AP3S1: variants seen among roughly 807,000 people sequenced by gnomAD.
AP3S1 encodes the protein AP-3 complex subunit sigma-1.
Under a neutral mutation model 21.3 loss-of-function variants are expected in AP3S1, and 12 were observed. The ratio of observed to expected loss-of-function variants is 0.56; its 90% confidence interval spans 0.36 to 0.91. AP3S1 has a LOEUF of 0.91. Ranked by LOEUF, AP3S1 falls within the 40% of genes least tolerant of loss-of-function variation. The pLI, the probability that AP3S1 is intolerant of heterozygous loss-of-function variation, is 0.01. For missense variants in AP3S1, 116 were observed against 225.0 expected (o/e 0.52, Z 3.10); for synonymous variants, 48 against 78.4 (o/e 0.61, Z 2.05).
intron 3 of AP3S1, among the ~76,000 whole-genome samples, chr5:115,890,519 C>T (rs1219070671): frequency 1.3e-5 from 2 of 152,086 alleles, no homozygotes; most frequent in Non-Finnish European, 2.9e-5. Flanking sequence ...CTGATGGACT[C>T]TGAGAAGGCT....
intron 1 of AP3S1, among the ~76,000 whole-genome samples, chr5:115,849,725 C>G (rs975589761): frequency 6.6e-6 from 1 of 152,096 alleles, no homozygotes; most frequent in Non-Finnish European, 1.5e-5. Flanking sequence ...TTGTTAGGCT[C>G]TGTAAAGAAG....
chr5:115,863,332 G>A (rs1763342706), intron 1 of AP3S1, among the ~76,000 whole-genome samples: 1 of 151,734 alleles, frequency 6.6e-6, no homozygotes, highest in African/African-American at 2.4e-5. Context: ...AGGAGGCGGA[G>A]GTTGCAGTGA....
intron 3 of AP3S1, among the ~76,000 whole-genome samples, chr5:115,877,570 T>G (rs1232214867): frequency 1.3e-5 from 2 of 152,246 alleles, no homozygotes; most frequent in Non-Finnish European, 2.9e-5. Flanking sequence ...ATGGTGTATG[T>G]GTGCCACATT....
chr5:115,868,766 C>T (rs1747927333), intron 2 of AP3S1, among the ~76,000 whole-genome samples: 1 of 151,786 alleles, frequency 6.6e-6, no homozygotes, highest in South Asian at 2.1e-4. Flanking sequence ...CCTGTAATTG[C>T]AGCTACTTTG....
chr5:115,878,478 G>T (rs1223578292), intron 3 of AP3S1, among the ~76,000 whole-genome samples: 1 of 152,086 alleles, frequency 6.6e-6, no homozygotes, highest in Non-Finnish European at 1.5e-5. Context: ...TCTTGTTTTT[G>T]TCAGATTTAC....
chr5:115,869,565 C>G (rs888549981), intron 2 of AP3S1, among the ~76,000 whole-genome samples: 4 of 152,182 alleles, frequency 2.6e-5, no homozygotes, highest in Admixed American at 1.3e-4. Context: ...AAATGCTCTT[C>G]TCTAAATTTT....
chr5:115,847,097 A>G (rs1043220914), intron 1 of AP3S1, among the ~76,000 whole-genome samples: 2 of 152,184 alleles, frequency 1.3e-5, no homozygotes, highest in Non-Finnish European at 2.9e-5. Flanking sequence ...GAAAGAGACA[A>G]CCATCTGTTT....
chr5:115,884,018 A>G (rs986785717), intron 3 of AP3S1, among the ~76,000 whole-genome samples: 5 of 152,178 alleles, frequency 3.3e-5, no homozygotes, highest in African/African-American at 9.7e-5. Flanking sequence ...TAAATTTCCT[A>G]TAGTACAAGC....
intron 3 of AP3S1, among the ~76,000 whole-genome samples, chr5:115,872,077 GC>G (rs1168566478): frequency 5.3e-5 from 8 of 152,258 alleles, no homozygotes; most frequent in East Asian, 3.9e-4. Context: ...ACTTTGGAAG[GC>G]TAAGCTGAGC....
chr5:115,886,069 T>G (rs1019222568), intron 3 of AP3S1, among the ~76,000 whole-genome samples: 2 of 152,214 alleles, frequency 1.3e-5, no homozygotes, highest in Admixed American at 1.3e-4. Flanking sequence ...TTTTTGAGAT[T>G]TGAATCAGGA....
intron 4 of AP3S1, among the ~76,000 whole-genome samples, chr5:115,900,344 T>C (rs749440148): frequency 1.2e-4 from 18 of 152,252 alleles, no homozygotes; most frequent in Non-Finnish European, 2.2e-4. Context: ...TTATTTTCTA[T>C]TATGTTCAAG....
chr5:115,907,694 T>C (rs1267958709), intron 5 of AP3S1, among the ~76,000 whole-genome samples: 12 of 152,210 alleles, frequency 7.9e-5, no homozygotes, highest in Admixed American at 1.3e-4. Flanking sequence ...CTGAATATTT[T>C]TGCAAAGCGT....
At chr5:115,891,425 T>C (rs958302234) in intron 3 of AP3S1, among the ~76,000 whole-genome samples, 7 of 152,170 alleles carry the variant, frequency 4.6e-5, no homozygotes, top group African/African-American at 1.4e-4. Context: ...CCACTTCAGA[T>C]GCCAGTTGCA....
At chr5:115,905,164 T>C (rs1217283211) in intron 5 of AP3S1, among the ~76,000 whole-genome samples, 2 of 152,226 alleles carry the variant, frequency 1.3e-5, no homozygotes, top group Non-Finnish European at 2.9e-5. Context: ...ATGTGCTATA[T>C]TGACAAAAGT....
chr5:115,863,954 G>T lies in AP3S1; in HGVS notation c.70-2716G>T, dbSNP rs2112489. Among the ~76,000 whole-genome samples the T allele has an allele frequency of 4.0e-3, 610 of 152,286 alleles. 4 individuals carry two copies. Among genetic ancestry groups the T allele is most frequent in the Non-Finnish European group, 6.9e-3 (469 of 68,016 alleles). ...ATTAAGAAAACCATTGCAGAGAAAA[G>T]ATGTCTGCCTGAACAGATTTTTAAT... On this transcript the variant is annotated intron_variant, in intron 1 of 5. Coordinates refer to ENST00000316788, the MANE Select transcript of AP3S1 (RefSeq NM_001284.4).
At chr5:115,885,283 G>A (rs184348373) in intron 3 of AP3S1, among the ~76,000 whole-genome samples, 89 of 152,224 alleles carry the variant, frequency 5.8e-4, no homozygotes, top group Admixed American at 2.4e-3. Context: ...ACAATAGGCC[G>A]TCTGCAAGCT....
At chr5:115,848,568 G>T (rs1458807931) in intron 1 of AP3S1, among the ~76,000 whole-genome samples, 1 of 152,134 alleles carries the variant, frequency 6.6e-6, no homozygotes, top group African/African-American at 2.4e-5. Flanking sequence ...CAGTGTCCTT[G>T]TCTTTTTCGT....
rs1026303168 is a variant in AP3S1, at chr5:115,895,239, A to G, written c.345+81A>G. 5.4e-6 allele frequency: 5 copies of G among 925,838 alleles called. No homozygotes were observed. The East Asian group carries it at 8.4e-5, about 15-fold the overall frequency. The allele number at this position is 925,838 out of a possible 1,614,324, so 57.4% of individuals were successfully genotyped here. A position where few individuals can be genotyped will look rare whatever the true frequency, so the allele number is the denominator to read the frequency against. On this transcript the variant is annotated intron_variant, in intron 4 of 5. Transcript: ENST00000316788. Reference sequence around the variant, plus strand: ...GTCATAGCAAAAATGGCTTTAATGAATAATTCTATTTTTATTCTTTTATTA... The same window carrying G: ...GTCATAGCAAAAATGGCTTTAATGAGTAATTCTATTTTTATTCTTTTATTA...
chr5:115,909,740 C>A (rs184443811), intron 5 of AP3S1, among the ~76,000 whole-genome samples: 41 of 152,232 alleles, frequency 2.7e-4, no homozygotes, highest in African/African-American at 9.6e-4. Flanking sequence ...TCAGAAATAT[C>A]TTACTTTTAC....
Sources: gnomAD v4.1 joint callset for allele counts (sites outside exome capture counted in the v4.1 genomes callset) on GRCh38, gnomAD v4.1.1 for gene constraint, MANE v1.5 for transcripts, NCBI Gene and HGNC (gene_info 2026-07-23, HGNC 2026-07-21) for gene names.